The following PODXL2 variants were observed in gnomAD, a reference collection of about 807,000 sequenced individuals.
PODXL2 encodes podocalyxin-like protein 2.
In PODXL2, 17 loss-of-function variants were observed where a neutral mutation model predicts 53.4. The observed-to-expected ratio is 0.32, with a 90% CI of 0.22 to 0.48. The LOEUF (loss-of-function observed/expected upper bound fraction) is 0.48, where lower values mean the gene tolerates loss of function less well. Among genes scored for constraint, PODXL2 ranks in the 20% least tolerant of loss-of-function variants. The pLI, the probability that PODXL2 is intolerant of heterozygous loss-of-function variation, is 0.99. For synonymous variants in PODXL2, 311 were observed against 306.7 expected, an observed-to-expected ratio of 1.01 and a Z score of -0.15; for missense variants, 673 against 760.0, an observed-to-expected ratio of 0.89 and a Z score of 1.35.
intron 4 of PODXL2, among the ~76,000 whole-genome samples, chr3:127,667,284 C>G (rs2074799418): frequency 1.3e-5 from 2 of 152,234 alleles, no homozygotes; most frequent in Admixed American, 6.5e-5. Flanking sequence ...AGCCTGGGCT[C>G]TAGCAGAAGG....
intron 5 of PODXL2, 94 bp from the exon 6 acceptor site, chr3:127,669,047 C>A (rs2107546038): frequency 1.3e-6 from 1 of 750,734 alleles, no homozygotes; most frequent in Non-Finnish European, 2.2e-6. Context: ...GAGACAGAGG[C>A]TCAGGCCAGC....
intron 6 of PODXL2, among the ~76,000 whole-genome samples, chr3:127,670,963 T>G (rs1356244829): frequency 6.6e-6 from 1 of 152,212 alleles, no homozygotes; most frequent in Non-Finnish European, 1.5e-5. Context: ...TATCCCTCCC[T>G]GCACCGGCCC....
chr3:127,649,525 T>C (rs150630448), intron 2 of PODXL2, among the ~76,000 whole-genome samples: 3 of 152,354 alleles, frequency 2.0e-5, no homozygotes, highest in Non-Finnish European at 2.9e-5. Context: ...ACCCTTCCAA[T>C]ACTAGGCATG....
chr3:127,659,553 A>G (rs1046995712), intron 2 of PODXL2, among the ~76,000 whole-genome samples: 3 of 152,232 alleles, frequency 2.0e-5, no homozygotes, highest in Non-Finnish European at 2.9e-5. Flanking sequence ...CTTCCTAGAT[A>G]CAGCTTCTGA....
intron 7 of PODXL2, 34 bp from the exon 8 acceptor site, chr3:127,672,234 C>T (rs1312279825): frequency 7.9e-6 from 12 of 1,521,256 alleles, no homozygotes; most frequent in African/African-American, 1.4e-5. Flanking sequence ...GGGGCTGGCT[C>T]GCTCGCCCAT....
rs1351915237 is a variant in PODXL2, at chr3:127,660,702, C to T, written c.674C>T (p.Ser225Phe). 1.9e-6 allele frequency: 3 copies of T among 1,614,178 alleles called. No homozygotes were observed. The South Asian group carries it at 3.3e-5, about 18-fold the overall frequency. ...GCCACCAAAAGCAGGCATGAAGACT[C>T]CGGGGACCAGGCCTCATCAGGTGTG... ...PGATKSRHED[S>F]GDQASSGVEV... is the part of the protein sequence containing the mutation. Residue 225 changes from serine to phenylalanine, a missense_variant, in exon 3 of 8, where the codon TCC becomes TTC. Ser to Phe is a radical substitution (Grantham distance 155, BLOSUM62 -2). Coordinates refer to ENST00000342480, the MANE Select transcript of PODXL2 (RefSeq NM_015720.4).
rs2074863615 is a variant in PODXL2 at position 127,672,720 on chromosome 3, C to A, written c.*240C>A. The A allele has an allele frequency of 4.7e-6, 2 of 421,202 alleles. No individual in the cohort carries two copies. The highest frequency in any genetic ancestry group is 6.0e-4 in the Middle Eastern group (1 of 1,674). 26.1% of individuals were successfully genotyped at this position (421,202 alleles called of 1,614,324 possible). Reference sequence around the variant, plus strand: ...TTGGCCCCGCTTTCCCGCCCCTGAACCCCGGCCCCGCGGGCGGCGGGCGGC... The same window carrying A: ...TTGGCCCCGCTTTCCCGCCCCTGAAACCCGGCCCCGCGGGCGGCGGGCGGC... On this transcript the variant is annotated 3_prime_UTR_variant, in exon 8 of 8. Transcript: ENST00000342480.
chr3:127,668,327 T>C (rs2074808183), intron 4 of PODXL2, 114 bp from the exon 5 acceptor site: 4 of 977,176 alleles, frequency 4.1e-6, no homozygotes, highest in Non-Finnish European at 5.5e-6. Context: ...CAGAGCTGCC[T>C]CTCTTGGAAC....
In PODXL2 at chr3:127,672,378, C is replaced by G. The variant is rs1173572904; in HGVS notation, c.1716C>G (p.Asn572Lys). The change falls in exon 8 of 8, where the codon AAC becomes AAG. Residue 572 changes from asparagine to lysine, a missense_variant. Asn to Lys is a moderately conservative substitution (Grantham distance 94, BLOSUM62 0). Transcript: ENST00000342480. ...SEMQEKHPSLNGGGALNGPGS... is the reference protein window; with the variant it reads ...SEMQEKHPSLKGGGALNGPGS... ...TGCAGGAGAAGCACCCCAGCCTGAACGGCGGCGGGGCCCTCAACGGCCCGG... is the reference window on the plus strand; with the variant it reads ...TGCAGGAGAAGCACCCCAGCCTGAAGGGCGGCGGGGCCCTCAACGGCCCGG... 6.5e-7 allele frequency: 1 copy of G among 1,547,070 alleles called. No individual in the cohort carries two copies. Among genetic ancestry groups the G allele is most frequent in the South Asian group, 1.2e-5 (1 of 84,140 alleles).
chr3:127,654,933 C>A (rs1397880942), intron 2 of PODXL2, among the ~76,000 whole-genome samples: 1 of 150,984 alleles, frequency 6.6e-6, no homozygotes, highest in Non-Finnish European at 1.5e-5. Context: ...ACTAAAAATA[C>A]AAATTTTTCT....
intron 2 of PODXL2, among the ~76,000 whole-genome samples, chr3:127,646,121 A>G (rs769650737): frequency 2.0e-5 from 3 of 152,186 alleles, no homozygotes; most frequent in Non-Finnish European, 2.9e-5. Flanking sequence ...GCCCAGCACT[A>G]TGTTAGGGGT....
rs1219965942 is a variant in PODXL2, at chr3:127,650,695, C to A, written c.350-9683C>A. 2.0e-5 allele frequency among the ~76,000 whole-genome samples: 3 copies of A among 151,982 alleles called. No individual in the cohort carries two copies. The East Asian group carries it at 5.8e-4, about 30-fold the overall frequency. On this transcript the variant is annotated intron_variant, in intron 2 of 7. Transcript: ENST00000342480. Reference sequence around the variant, plus strand: ...TTGTTGTGACGGAGTCTTGCTCTGTCGCCCAGGCTGGAGTGCAGTGGTGCG... The same window carrying A: ...TTGTTGTGACGGAGTCTTGCTCTGTAGCCCAGGCTGGAGTGCAGTGGTGCG...
intron 2 of PODXL2, among the ~76,000 whole-genome samples, chr3:127,656,720 G>A (rs542148917): frequency 3.7e-4 from 41 of 111,986 alleles, no homozygotes; most frequent in Admixed American, 2.6e-3. Context: ...GGGTGACAGA[G>A]CAAGACTCCA....
intron 4 of PODXL2, among the ~76,000 whole-genome samples, chr3:127,662,728 T>C (rs1418217597): frequency 2.0e-5 from 3 of 152,214 alleles, no homozygotes; most frequent in Non-Finnish European, 4.4e-5. Context: ...ATCGAAAAAG[T>C]GGCTGGAAGC....
At chr3:127,630,025 G>T (rs1001872675) in intron 1 of PODXL2, among the ~76,000 whole-genome samples, 1 of 152,174 alleles carries the variant, frequency 6.6e-6, no homozygotes, top group African/African-American at 2.4e-5. Flanking sequence ...CGGGCTGGGG[G>T]TGTGGCACAG....
chr3:127,640,835 GT>G (rs2074613656), intron 2 of PODXL2, among the ~76,000 whole-genome samples: 2 of 152,164 alleles, frequency 1.3e-5, no homozygotes, highest in Admixed American at 6.5e-5. Context: ...GGGACATTTT[GT>G]TTTCACTCAA....
At chr3:127,634,736 AAAAAT>A (rs1204259989) in intron 1 of PODXL2, among the ~76,000 whole-genome samples, 4 of 152,258 alleles carry the variant, frequency 2.6e-5, no homozygotes, top group African/African-American at 9.6e-5. Context: ...AAAAATAAAT[AAAAAT>A]AAAAAATAAA....
chr3:127,648,647 C>T (rs1449073597), intron 2 of PODXL2, among the ~76,000 whole-genome samples: 8 of 151,104 alleles, frequency 5.3e-5, no homozygotes, highest in African/African-American at 1.9e-4. Context: ...GAGACAGTCT[C>T]ACTCTTTGCC....
chr3:127,638,133 G>A (rs2074589843), intron 1 of PODXL2, among the ~76,000 whole-genome samples: 1 of 152,166 alleles, frequency 6.6e-6, no homozygotes, highest in Admixed American at 6.5e-5. Context: ...GAGACCCAGA[G>A]GTCTTGAGCA....
Sources: gnomAD v4.1 joint callset for allele counts (sites outside exome capture counted in the v4.1 genomes callset) on GRCh38, gnomAD v4.1.1 for gene constraint, MANE v1.5 for transcripts, NCBI Gene and HGNC (gene_info 2026-07-23, HGNC 2026-07-21) for gene names.